The following ADHFE1 variants were observed in gnomAD, a reference collection of about 807,000 sequenced individuals.
ADHFE1 encodes the protein alcohol dehydrogenase iron containing 1.
A neutral mutation model predicts 54.8 loss-of-function variants in ADHFE1; 37 were observed. The observed-to-expected ratio is 0.68, with a 90% CI of 0.52 to 0.89. The LOEUF (loss-of-function observed/expected upper bound fraction) is 0.89. ADHFE1 is among the 40% of genes least tolerant of loss of function. The pLI is 0.00. For missense variants in ADHFE1, 601 were observed against 591.2 expected (o/e 1.02, Z -0.17); for synonymous variants, 203 against 229.3 (o/e 0.89, Z 1.04).
At chr8:66,450,209 C>T (rs888739600) in intron 8 of ADHFE1, among the ~76,000 whole-genome samples, 11 of 152,174 alleles carry the variant, frequency 7.2e-5, no homozygotes, top group Non-Finnish European at 1.5e-4. Flanking sequence ...ATGAGCTGTT[C>T]CCTAATAACC....
intron 8 of ADHFE1, 145 bp downstream of exon 8, chr8:66,449,115 CA>C: frequency 1.4e-6 from 1 of 721,250 alleles, no homozygotes; most frequent in Non-Finnish European, 2.3e-6. Flanking sequence ...TGTCCTAAAT[CA>C]AACATTCAAG....
intron 13 of ADHFE1, among the ~76,000 whole-genome samples, chr8:66,463,448 A>G (rs1336195381): frequency 6.6e-6 from 1 of 152,212 alleles, no homozygotes; most frequent in African/African-American, 2.4e-5. Context: ...TCATGTTTTC[A>G]TGATTCAGAG....
chr8:66,459,955 A>G (rs1447175262), intron 12 of ADHFE1: 1 of 213,694 alleles, frequency 4.7e-6, no homozygotes, highest in Non-Finnish European at 9.5e-6. Context: ...GATGTCAGCA[A>G]ATTCCAAGCC....
intron 8 of ADHFE1, among the ~76,000 whole-genome samples, chr8:66,451,477 G>T (rs1806299633): frequency 6.6e-6 from 1 of 152,076 alleles, no homozygotes; most frequent in South Asian, 2.1e-4. Flanking sequence ...TGACATCTGG[G>T]CAGCTGACCC....
rs1469110606 is a variant in ADHFE1 at position 66,445,388 on chromosome 8, C to T, written c.524C>T (p.Ser175Phe). 2 of 1,612,342 alleles carry T rather than the reference C, an allele frequency of 1.2e-6. No homozygotes were observed. Among genetic ancestry groups the T allele is most frequent in the Non-Finnish European group, 8.5e-7 (1 of 1,179,628 alleles). Reference sequence around the variant, plus strand: ...CCCATTGGCAAGGGAAAGCCTGTGTCTGTGCCTCTTAAGCCTCTGATTGCA... The same window carrying T: ...CCCATTGGCAAGGGAAAGCCTGTGTTTGTGCCTCTTAAGCCTCTGATTGCA... Reference protein sequence around the residue: ...SAPIGKGKPVSVPLKPLIAVP... With the variant: ...SAPIGKGKPVFVPLKPLIAVP... Residue 175 changes from serine to phenylalanine, a missense_variant, in exon 6 of 14, where the codon TCT (serine) becomes TTT (phenylalanine). Ser to Phe is a radical substitution (Grantham distance 155, BLOSUM62 -2). Transcript: ENST00000396623.
At chr8:66,437,265 G>T (rs1429613194) in intron 1 of ADHFE1, among the ~76,000 whole-genome samples, 1 of 152,172 alleles carries the variant, frequency 6.6e-6, no homozygotes, top group Non-Finnish European at 1.5e-5. Flanking sequence ...GGATTTTGAT[G>T]ATTTAGGGGA....
intron 10 of ADHFE1, 122 bp downstream of exon 10, chr8:66,454,279 A>T (rs190615880): frequency 4.7e-6 from 4 of 856,806 alleles, no homozygotes; most frequent in Middle Eastern, 2.9e-4. Flanking sequence ...ATTTAACTTT[A>T]TGTTCCTAAA....
intron 13 of ADHFE1, among the ~76,000 whole-genome samples, chr8:66,467,712 C>G (rs1235914475): frequency 6.6e-6 from 1 of 152,108 alleles, no homozygotes; most frequent in Non-Finnish European, 1.5e-5. Context: ...TGCTGGATGT[C>G]TTCGCTGAAT....
intron 13 of ADHFE1, among the ~76,000 whole-genome samples, chr8:66,467,258 A>G (rs928581493): frequency 1.8e-4 from 27 of 152,156 alleles, no homozygotes; most frequent in Admixed American, 1.6e-3. Flanking sequence ...AGCAAGGGAA[A>G]GGGGAATCAA....
chr8:66,454,928 G>A (rs891263874), intron 10 of ADHFE1, among the ~76,000 whole-genome samples: 3 of 151,844 alleles, frequency 2.0e-5, no homozygotes, highest in African/African-American at 7.3e-5. Context: ...ATGTTGGCCT[G>A]GCTGGTCTCA....
In ADHFE1 at chr8:66,439,477, G is replaced by C; in HGVS notation, c.60-685G>C. ...AGGGAGGGTTTCCAAAAAGGAGGACGTGGGAAATCTGTAGAGAAGTCGACC... is the reference window on the plus strand; with the variant it reads ...AGGGAGGGTTTCCAAAAAGGAGGACCTGGGAAATCTGTAGAGAAGTCGACC... On this transcript the variant is annotated intron_variant, in intron 1 of 13. Coordinates refer to ENST00000396623, the MANE Select transcript of ADHFE1 (RefSeq NM_144650.3). The surrounding 1 kb of genome is among the most constrained non-coding windows in gnomAD (Gnocchi z 4.4). 3 of 986,148 alleles carry C rather than the reference G, an allele frequency of 3.0e-6. No homozygotes were observed. Among genetic ancestry groups the C allele is most frequent in the South Asian group, 9.4e-5 (2 of 21,294 alleles). 61.1% of individuals were successfully genotyped at this position (986,148 alleles called of 1,614,324 possible).
At chr8:66,448,126 G>A (rs1008502098) in intron 7 of ADHFE1, among the ~76,000 whole-genome samples, 19 of 152,226 alleles carry the variant, frequency 1.2e-4, no homozygotes, top group Admixed American at 5.9e-4. Flanking sequence ...TTTTTATGCC[G>A]TCTTCTCTGT....
chr8:66,460,996 T>C, intron 13 of ADHFE1, among the ~76,000 whole-genome samples: 1 of 152,240 alleles, frequency 6.6e-6, no homozygotes, highest in Non-Finnish European at 1.5e-5. Flanking sequence ...TCTGATTTCA[T>C]TTCTTAAATT....
rs944978146 is a variant in ADHFE1, at chr8:66,466,445, T to G, written c.1321-1824T>G. ...ATTCCTAAAGATTTTTCCCTAATTA[T>G]TCTTCTAAGAGTTTTAGGGTTCTAG... On this transcript the variant is annotated intron_variant, in intron 13 of 13. Transcript: ENST00000396623. Among the ~76,000 whole-genome samples, 6 of 152,288 alleles carry G rather than the reference T, an allele frequency of 3.9e-5. No homozygotes were observed. In the East Asian group the frequency reaches 9.7e-4, roughly 25 times the overall value.
At chr8:66,442,078 T>TA (rs891748560) in intron 2 of ADHFE1, among the ~76,000 whole-genome samples, 6 of 151,862 alleles carry the variant, frequency 4.0e-5, no homozygotes, top group Admixed American at 1.3e-4. Context: ...CCCTATGAAT[T>TA]AAAAAAAACA....
chr8:66,465,837 A>T (rs374483194), intron 13 of ADHFE1, among the ~76,000 whole-genome samples: 68 of 152,042 alleles, frequency 4.5e-4, no homozygotes, highest in African/African-American at 1.6e-3. Context: ...TGACCTCATG[A>T]TCCACCCGCC....
At chr8:66,456,139 TA>T (rs563267448) in intron 10 of ADHFE1, among the ~76,000 whole-genome samples, 49 of 143,486 alleles carry the variant, frequency 3.4e-4, no homozygotes, top group Non-Finnish European at 3.4e-4. Context: ...ATACCATCTC[TA>T]AAAAAAAAAA....
intron 11 of ADHFE1, 41 bp from the exon 12 acceptor site, chr8:66,457,029 G>A (rs1346101958): frequency 6.3e-7 from 1 of 1,596,046 alleles, no homozygotes. Context: ...GGGAAGAACA[G>A]CTTTGTCATC....
intron 13 of ADHFE1, 96 bp from the exon 14 acceptor site, chr8:66,468,173 A>T: frequency 1.1e-6 from 1 of 879,410 alleles, no homozygotes; most frequent in Non-Finnish European, 1.8e-6. Flanking sequence ...TTATCAAGTC[A>T]TTGATTCTTA....
Sources: gnomAD v4.1 joint callset for allele counts (sites outside exome capture counted in the v4.1 genomes callset) on GRCh38, gnomAD v4.1.1 for gene constraint, Gnocchi (gnomAD v3.1) non-coding constraint, MANE v1.5 for transcripts, NCBI Gene and HGNC (gene_info 2026-07-23, HGNC 2026-07-21) for gene names.